RIT2: variants seen among roughly 807,000 people sequenced by gnomAD.
RIT2 encodes the protein GTP-binding protein Rit2.
RIT2 carries 24 observed loss-of-function variants against 23.7 expected under a neutral mutation model. The ratio of observed to expected loss-of-function variants is 1.01; its 90% CI spans 0.73 to 1.43. RIT2 has a LOEUF of 1.43. Ranked by LOEUF, RIT2 falls within the 40% of genes most tolerant of loss-of-function variation. The probability of loss-of-function intolerance (pLI) is 0.00; values close to 1 mark genes in which losing one functional copy is unlikely to be tolerated. For missense variants in RIT2, 236 were observed against 266.9 expected (o/e 0.88, Z 0.81); for synonymous variants, 107 against 91.1 (o/e 1.17, Z -0.99).
intron 4 of RIT2, among the ~76,000 whole-genome samples, chr18:42,765,200 T>C (rs926368901): frequency 7.2e-5 from 11 of 152,214 alleles, no homozygotes; most frequent in Non-Finnish European, 1.5e-4. Flanking sequence ...TTAAGAATCA[T>C]GCATCCAATA....
At chr18:42,930,118 T>A in intron 3 of RIT2, among the ~76,000 whole-genome samples, 1 of 152,240 alleles carries the variant, frequency 6.6e-6, no homozygotes, top group South Asian at 2.1e-4. Context: ...GATCAGACTC[T>A]TGAAATCCCT....
chr18:43,012,263 A>G (rs1008807553), intron 2 of RIT2, among the ~76,000 whole-genome samples: 1 of 151,852 alleles, frequency 6.6e-6, no homozygotes. Flanking sequence ...AAAGCACTAG[A>G]AAAATACCTT....
At chr18:42,766,038 C>A (rs1013104303) in intron 4 of RIT2, among the ~76,000 whole-genome samples, 2 of 152,172 alleles carry the variant, frequency 1.3e-5, no homozygotes. Flanking sequence ...TCCAATTAAA[C>A]CTCCCTTTGT....
At chr18:42,918,640 A>G (rs1335862224) in intron 4 of RIT2, among the ~76,000 whole-genome samples, 1 of 152,114 alleles carries the variant, frequency 6.6e-6, no homozygotes, top group Non-Finnish European at 1.5e-5. Context: ...ATTATATCCA[A>G]TATGCTCTGC....
intron 1 of RIT2, among the ~76,000 whole-genome samples, chr18:43,076,698 G>A (rs997413789): frequency 2.6e-5 from 4 of 152,146 alleles, no homozygotes; most frequent in African/African-American, 4.8e-5. Flanking sequence ...TCTAGCTCAC[G>A]ATGCTGAAGA....
intron 4 of RIT2, among the ~76,000 whole-genome samples, chr18:42,772,215 T>G (rs1275409122): frequency 6.6e-6 from 1 of 152,086 alleles, no homozygotes; most frequent in Non-Finnish European, 1.5e-5. Context: ...ACATGGTGAG[T>G]GCTTCCTCTT....
intron 1 of RIT2, among the ~76,000 whole-genome samples, chr18:43,071,543 G>A (rs1598770982): frequency 6.6e-6 from 1 of 152,002 alleles, no homozygotes; most frequent in Non-Finnish European, 1.5e-5. Context: ...AGTATCCAAG[G>A]CTTTGTTACC....
At chr18:43,044,310 T>C (rs972110350) in intron 1 of RIT2, among the ~76,000 whole-genome samples, 1 of 152,156 alleles carries the variant, frequency 6.6e-6, no homozygotes, top group African/African-American at 2.4e-5. Context: ...ATTAATGCAT[T>C]TCTACAATGA....
rs935124856 is a variant in RIT2, at chr18:43,081,141, A to G, written c.103+34276T>C. On this transcript the variant is annotated intron_variant, in intron 1 of 4. Transcript: ENST00000326695. ...AGTCATTGATATACTAATTACACAT[A>G]TAGATCTATTAATGGATATACACAA... Among the ~76,000 whole-genome samples, 9 of 152,308 alleles carry G rather than the reference A, an allele frequency of 5.9e-5. No homozygotes were observed. In the East Asian group the frequency reaches 1.7e-3, roughly 29 times the overall value.
At chr18:42,997,730 A>C (rs184134724) in intron 2 of RIT2, among the ~76,000 whole-genome samples, 209 of 152,298 alleles carry the variant, frequency 1.4e-3, no homozygotes, top group Non-Finnish European at 2.6e-3. Flanking sequence ...AAAGGAAGAG[A>C]ACTTAAAATA....
intron 1 of RIT2, among the ~76,000 whole-genome samples, chr18:43,110,565 A>ATTATTT (rs1373288038): frequency 1.1e-4 from 17 of 152,202 alleles, no homozygotes; most frequent in African/African-American, 4.1e-4. Context: ...TAACCATGAG[A>ATTATTT]TTATTTTTAT....
At chr18:42,747,702 G>A (rs934111459) in intron 4 of RIT2, among the ~76,000 whole-genome samples, 5 of 151,968 alleles carry the variant, frequency 3.3e-5, no homozygotes, top group African/African-American at 1.2e-4. Flanking sequence ...ATAGATAAAT[G>A]GAATAGAATA....
chr18:42,773,187 A>G (rs1913591673), intron 4 of RIT2, among the ~76,000 whole-genome samples: 1 of 152,214 alleles, frequency 6.6e-6, no homozygotes, highest in Admixed American at 6.5e-5. Context: ...GAAAGTCTTT[A>G]AAACTCCTGA....
At chr18:42,826,832 G>GA (rs1227675899) in intron 4 of RIT2, among the ~76,000 whole-genome samples, 9 of 151,562 alleles carry the variant, frequency 5.9e-5, no homozygotes, top group African/African-American at 2.2e-4. Flanking sequence ...ATGAAAATTA[G>GA]AAAAATAAAA....
chr18:42,872,462 T>G (rs2144065462), intron 4 of RIT2, among the ~76,000 whole-genome samples: 1 of 152,322 alleles, frequency 6.6e-6, no homozygotes, highest in African/African-American at 2.4e-5. Flanking sequence ...AGTCCTCTCA[T>G]TGCCTGGATT....
intron 4 of RIT2, among the ~76,000 whole-genome samples, chr18:42,809,387 G>T (rs186749972): frequency 6.2e-4 from 94 of 152,136 alleles, no homozygotes; most frequent in Non-Finnish European, 8.5e-4. Context: ...GTTTTGTTAA[G>T]TAAGGCTTCA....
At position 42,793,132 on chromosome 18, in the gene RIT2, G is replaced by A. The variant is rs16976911; in HGVS notation, c.427-49412C>T. On this transcript the variant is annotated intron_variant, in intron 4 of 4. Coordinates refer to ENST00000326695, the MANE Select transcript of RIT2 (RefSeq NM_002930.4). Reference sequence around the variant, plus strand: ...AACTACTTCTTAAAATGGTTTGAATGGACTCTAATATAAGACCTGCTAGTA... The same window carrying A: ...AACTACTTCTTAAAATGGTTTGAATAGACTCTAATATAAGACCTGCTAGTA... 3.1e-3 allele frequency among the ~76,000 whole-genome samples: 476 copies of A among 152,214 alleles called. 3 individuals carry two copies. Among genetic ancestry groups the A allele is most frequent in the African/African-American group, 0.011 (455 of 41,550 alleles).
chr18:42,958,616 A>C (rs1315849982), intron 3 of RIT2, among the ~76,000 whole-genome samples: 1 of 152,156 alleles, frequency 6.6e-6, no homozygotes, highest in Non-Finnish European at 1.5e-5. Context: ...GATAAAATAT[A>C]ATATATAATT....
intron 4 of RIT2, among the ~76,000 whole-genome samples, chr18:42,765,662 G>A (rs1365496715): frequency 6.6e-6 from 1 of 152,124 alleles, no homozygotes; most frequent in Admixed American, 6.5e-5. Flanking sequence ...AGACTAACGG[G>A]AAAGACTATT....
Sources: gnomAD v4.1 joint callset for allele counts (sites outside exome capture counted in the v4.1 genomes callset) on GRCh38, gnomAD v4.1.1 for gene constraint, MANE v1.5 for transcripts, NCBI Gene and HGNC (gene_info 2026-07-23, HGNC 2026-07-21) for gene names.